The following TLN2 variants were observed in gnomAD, a reference collection of about 807,000 sequenced individuals.
TLN2 encodes the protein talin-2.
A neutral mutation model predicts 294.7 loss-of-function variants in TLN2; 118 were observed. The ratio of observed to expected loss-of-function variants is 0.40; its 90% CI spans 0.34 to 0.47. TLN2 has a LOEUF of 0.47. Ranked by LOEUF, TLN2 falls within the 20% of genes least tolerant of loss-of-function variation. The pLI is 0.84. For synonymous variants in TLN2, 1,431 were observed against 1,304.5 expected (o/e 1.10, Z -2.09); for missense variants, 3,083 against 3,282.2 (o/e 0.94, Z 1.48).
At chr15:62,399,265 A>AAC (rs1378494570) in intron 1 of TLN2, among the ~76,000 whole-genome samples, 4 of 147,198 alleles carry the variant, frequency 2.7e-5, no homozygotes, top group Non-Finnish European at 4.5e-5. Context: ...ACAAAAAAAA[A>AAC]AAAAAAAAAA....
At chr15:62,837,415 T>G (rs2069831356) in intron 57 of TLN2, among the ~76,000 whole-genome samples, 2 of 152,288 alleles carry the variant, frequency 1.3e-5, no homozygotes, top group South Asian at 2.1e-4. Flanking sequence ...ACTCAAAACT[T>G]TTCAGGGGTT....
intron 1 of TLN2, among the ~76,000 whole-genome samples, chr15:62,500,797 TC>T (rs2039265072): frequency 6.6e-6 from 1 of 152,230 alleles, no homozygotes; most frequent in African/African-American, 2.4e-5. Flanking sequence ...GGCAACTTTT[TC>T]CTGCTATTTA....
intron 42 of TLN2, among the ~76,000 whole-genome samples, chr15:62,773,369 G>C (rs918742374): frequency 6.6e-6 from 1 of 151,970 alleles, no homozygotes; most frequent in African/African-American, 2.4e-5. Flanking sequence ...GTGTGAAGTA[G>C]TTTTCAGTAA....
intron 1 of TLN2, among the ~76,000 whole-genome samples, chr15:62,499,765 G>A (rs903866454): frequency 4.6e-5 from 7 of 151,848 alleles, no homozygotes; most frequent in Non-Finnish European, 8.8e-5. Context: ...CACCATGCCC[G>A]GTTAATTTTG....
intron 1 of TLN2, among the ~76,000 whole-genome samples, chr15:62,459,245 C>G (rs1246361028): frequency 6.6e-6 from 1 of 151,312 alleles, no homozygotes; most frequent in Non-Finnish European, 1.5e-5. Context: ...CGTGATCCAC[C>G]TACCTTGGCC....
chr15:62,519,025 A>G (rs1266208654), intron 1 of TLN2, among the ~76,000 whole-genome samples: 2 of 152,218 alleles, frequency 1.3e-5, no homozygotes, highest in African/African-American at 2.4e-5. Context: ...CAGCAATTCT[A>G]AGAGGTAGCT....
chr15:62,711,767 C>A, intron 21 of TLN2, 144 bp from the exon 22 acceptor site: 1 of 829,418 alleles, frequency 1.2e-6, no homozygotes, highest in Non-Finnish European at 1.7e-6. Flanking sequence ...AATTTGGATG[C>A]ATGGCTTAGG....
chr15:62,736,806 A>G (rs1261753728), intron 28 of TLN2, 72 bp from the exon 29 acceptor site: 26 of 1,532,176 alleles, frequency 1.7e-5, no homozygotes, highest in Non-Finnish European at 2.2e-5. Flanking sequence ...CCTGGTCCAG[A>G]AGCTTATTCC....
chr15:62,644,436 C>T, intron 3 of TLN2: 1 of 453,544 alleles, frequency 2.2e-6, no homozygotes, highest in Non-Finnish European at 4.4e-6. Flanking sequence ...CTTTCTAGCC[C>T]CTCCCACCCA....
In TLN2 at chr15:62,819,582, G is replaced by A. The variant is rs143218219; in HGVS notation, c.6838G>A (p.Ala2280Thr). The A allele has an allele frequency of 1.0e-4, 167 of 1,612,996 alleles. No homozygotes were observed. In the African/African-American group the frequency reaches 2.0e-3, roughly 20 times the overall value. ...CGCTTTCTCCAAGCGAGTCGCCGGCGCTGTGACAGAGCTCATCCAGGCGGC... is the reference window on the plus strand; with the variant it reads ...CGCTTTCTCCAAGCGAGTCGCCGGCACTGTGACAGAGCTCATCCAGGCGGC... ...LAAFSKRVAG[A>T]VTELIQAAEA... is the part of the protein sequence containing the mutation. The change falls in exon 53 of 59, where the codon GCT (alanine) becomes ACT (threonine). Residue 2280 changes from alanine (A) to threonine (T), a missense_variant. Transcript: ENST00000636159.
intron 1 of TLN2, among the ~76,000 whole-genome samples, chr15:62,411,429 ATGTGTGTGTGTGTGTGTGTGTGTGTG>A (rs71125998): frequency 7.3e-6 from 1 of 136,598 alleles, no homozygotes; most frequent in Non-Finnish European, 1.6e-5. Flanking sequence ...TGAGTAATGG[ATGTGTGTGTGTGTGTGTGTGTGTGTG>A]TGTGTGTGTG....
At chr15:62,524,432 G>A (rs1374138280) in intron 1 of TLN2, among the ~76,000 whole-genome samples, 6 of 152,108 alleles carry the variant, frequency 3.9e-5, no homozygotes, top group Non-Finnish European at 2.9e-5. Context: ...GCCTCATCGG[G>A]GTGCTGAGAC....
At chr15:62,537,039 G>A (rs62006697) in intron 1 of TLN2, among the ~76,000 whole-genome samples, 1 of 143,306 alleles carries the variant, frequency 7.0e-6, no homozygotes, top group South Asian at 2.2e-4. Context: ...TTTTTTTTTG[G>A]ACGGAGTCTT....
intron 33 of TLN2, among the ~76,000 whole-genome samples, chr15:62,748,789 T>G (rs1157573533): frequency 6.6e-6 from 1 of 152,198 alleles, no homozygotes; most frequent in South Asian, 2.1e-4. Context: ...TAAAAAATAT[T>G]GGAGAGATTA....
intron 1 of TLN2, among the ~76,000 whole-genome samples, chr15:62,569,344 C>T (rs2043672565): frequency 6.6e-6 from 1 of 152,202 alleles, no homozygotes; most frequent in South Asian, 2.1e-4. Context: ...CAGAGGTATG[C>T]TCTCATGGGA....
rs73429726 is a variant in TLN2, at chr15:62,537,321, T to A, written c.-237-52366T>A. On this transcript the variant is annotated intron_variant, in intron 1 of 58. Coordinates refer to ENST00000636159, the MANE Select transcript of TLN2 (RefSeq NM_015059.3). ...TGAGCCACCGCGCCCGGCCTGTCATTGTAGTTTTTAAAAGGCGTTTTCTAA... is the reference window on the plus strand; with the variant it reads ...TGAGCCACCGCGCCCGGCCTGTCATAGTAGTTTTTAAAAGGCGTTTTCTAA... Among the ~76,000 whole-genome samples, 1,120 of 152,220 alleles carry A rather than the reference T, an allele frequency of 7.4e-3. 13 individuals are homozygous for A. Among genetic ancestry groups the A allele is most frequent in the African/African-American group, 0.026 (1,065 of 41,542 alleles).
At chr15:62,413,344 T>G (rs1042157888) in intron 1 of TLN2, among the ~76,000 whole-genome samples, 12 of 152,212 alleles carry the variant, frequency 7.9e-5, no homozygotes, top group Non-Finnish European at 1.3e-4. Flanking sequence ...ATGCTAAGAA[T>G]GTAAAATTAC....
At chr15:62,750,560 C>T in intron 34 of TLN2, 69 bp downstream of exon 34, 1 of 1,344,518 alleles carries the variant, frequency 7.4e-7, no homozygotes, top group Non-Finnish European at 1.1e-6. Flanking sequence ...TTTAGACGTG[C>T]CTTCTGTGCA....
At chr15:62,652,251 G>A (rs1166185165) in intron 6 of TLN2, 117 bp downstream of exon 6, 28 of 1,083,782 alleles carry the variant, frequency 2.6e-5, no homozygotes, top group Non-Finnish European at 3.3e-5. Flanking sequence ...AACACGCCGA[G>A]TTCTGCCTAA....
Sources: allele counts gnomAD v4.1 joint callset (sites outside exome capture counted in the v4.1 genomes callset), GRCh38; gene constraint gnomAD v4.1.1; transcripts MANE v1.5; gene names NCBI Gene and HGNC (gene_info 2026-07-23, HGNC 2026-07-21).